ZIM3: variants seen among roughly 807,000 people sequenced by gnomAD.
ZIM3 encodes the protein zinc finger protein 657.
In ZIM3, 11 loss-of-function variants were observed where a neutral mutation model predicts 12.9. The ratio of observed to expected loss-of-function variants is 0.85; its 90% CI spans 0.54 to 1.41. The LOEUF (loss-of-function observed/expected upper bound fraction) is 1.41, where lower values mean the gene tolerates loss of function less well. ZIM3 is among the 40% of genes most tolerant of loss of function. The pLI, the probability that ZIM3 is intolerant of heterozygous loss-of-function variation, is 0.00. For synonymous variants in ZIM3, 205 were observed against 198.5 expected (o/e 1.03, Z -0.28); for missense variants, 604 against 557.2 (o/e 1.08, Z -0.85).
At position 57,135,177 on chromosome 19, in the gene ZIM3, C is replaced by G; in HGVS notation, c.1160G>C (p.Gly387Ala). ...TCTGTTACATTCATAGGGCTTTTCC[C>G]CAGTATGGATTTTTTTATGTTGAAT... is the stretch of plus-strand genomic sequence containing the variant. ...NLIQHKKIHT[G>A]EKPYECNRCG... is the part of the protein sequence containing the mutation. The change falls in exon 5 of 5, where the codon GGG becomes GCG. Residue 387 changes from glycine to alanine, a missense_variant. Transcript: ENST00000269834. 6.2e-7 allele frequency: 1 copy of G among 1,613,856 alleles called. No individual in the cohort carries two copies.
At chr19:57,143,766 C>G (rs367905940) in intron 1 of ZIM3, among the ~76,000 whole-genome samples, 1 of 151,590 alleles carries the variant, frequency 6.6e-6, no homozygotes, top group African/African-American at 2.4e-5. Context: ...ACCTCTGCCT[C>G]CCGGGTTCAA....
Position 57,138,516 on chromosome 19 carries a change from T to A in ZIM3, c.98A>T (p.Tyr33Phe). The A allele has an allele frequency of 6.2e-7, 1 of 1,614,150 alleles. No homozygotes were observed. ...QRLNPEQRNL[Y>F]RDVMLENYSN... ...GTAATTCTCCAGCATCACATCCCTG[T>A]ACAAGTTTCTCTGTTCGGGATTCAG... Residue 33 changes from tyrosine (Y) to phenylalanine (F), a missense_variant, in exon 3 of 5, where the codon TAC becomes TTC. Physicochemically the swap from Tyr to Phe is conservative, Grantham distance 22. Transcript: ENST00000269834.
At chr19:57,136,211 G>C in intron 4 of ZIM3, 116 bp from the exon 5 acceptor site, 3 of 937,944 alleles carry the variant, frequency 3.2e-6, no homozygotes, top group Non-Finnish European at 4.8e-6. Context: ...TAATGTCTAC[G>C]AGAAACCAAA....
chr19:57,137,858 GGAAGGAAGGAAA>G (rs2086893839), intron 3 of ZIM3, among the ~76,000 whole-genome samples: 1 of 73,898 alleles, frequency 1.4e-5, no homozygotes, highest in Non-Finnish European at 2.9e-5. Flanking sequence ...AAGGAAGGAA[GGAAGGAAGGAAA>G]GAAGGAAGGA....
At chr19:57,136,169 A>C in intron 4 of ZIM3, 74 bp from the exon 5 acceptor site, 1 of 1,352,970 alleles carries the variant, frequency 7.4e-7, no homozygotes, top group Non-Finnish European at 1.0e-6. Context: ...GCCATAAACA[A>C]TCTATTGTGG....
rs2086874966 is a variant in ZIM3, at chr19:57,134,348, T to C, written c.*570A>G. ...AGGCAGGAGTGCAATGGTGCAATAT[T>C]GGCTCACTGCAACCTCTACCTCCCA... is the stretch of plus-strand genomic sequence containing the variant. On this transcript the variant is annotated 3_prime_UTR_variant, in exon 5 of 5. Coordinates refer to ENST00000269834, the MANE Select transcript of ZIM3 (RefSeq NM_052882.1). 1 of 152,726 alleles carries C rather than the reference T, an allele frequency of 6.5e-6. No homozygotes were observed. Among genetic ancestry groups the C allele is most frequent in the Non-Finnish European group, 1.5e-5 (1 of 68,430 alleles). 9.5% of individuals were successfully genotyped at this position (152,726 alleles called of 1,614,324 possible). A position where few individuals can be genotyped will look rare whatever the true frequency, so the allele number is the denominator to read the frequency against.
At chr19:57,137,081 T>A in intron 3 of ZIM3, 110 bp from the exon 4 acceptor site, 1 of 1,012,404 alleles carries the variant, frequency 9.9e-7, no homozygotes, top group Non-Finnish European at 1.6e-6. Flanking sequence ...TATTTGTGTG[T>A]GAGTGTGAGC....
intron 2 of ZIM3, among the ~76,000 whole-genome samples, chr19:57,141,723 G>A (rs574031204): frequency 2.6e-5 from 4 of 151,664 alleles, no homozygotes; most frequent in South Asian, 2.1e-4. Flanking sequence ...GTGGTGGTGC[G>A]CACACCTGTA....
Position 57,135,101 on chromosome 19 carries a change from A to T in ZIM3, c.1236T>A (p.Thr412=), listed in dbSNP as rs374766864. ...QKSNLHSHQK[T]HSGERTYRCS... is the part of the protein sequence containing the mutation. ...ATCTATAGGTCCTCTCTCCGCTATG[A>T]GTTTTCTGATGGCTATGAAGGTTTG... Residue 412 remains threonine (T), a synonymous_variant, in exon 5 of 5, where the codon ACT becomes ACA. Coordinates refer to ENST00000269834, the MANE Select transcript of ZIM3 (RefSeq NM_052882.1). The T allele has an allele frequency of 6.2e-7, 1 of 1,614,044 alleles. No homozygotes were observed. Among genetic ancestry groups the T allele is most frequent in the African/African-American group, 1.3e-5 (1 of 74,926 alleles).
rs763573412 is a variant in ZIM3, at chr19:57,135,865, T to C, written c.472A>G (p.Asn158Asp). 1 of 1,614,158 alleles carries C rather than the reference T, an allele frequency of 6.2e-7. No homozygotes were observed. Among genetic ancestry groups the C allele is most frequent in the South Asian group, 1.1e-5 (1 of 91,076 alleles). Reference protein sequence around the residue: ...DNGYRKLVGNNPSKFVGQQLK... With the variant: ...DNGYRKLVGNDPSKFVGQQLK... ...TGTTGTCCTACAAATTTGGATGGAT[T>C]ATTGCCAACTAATTTTCTGTATCCA... The change falls in exon 5 of 5, where the codon AAT becomes GAT. Residue 158 changes from asparagine to aspartate, a missense_variant. By Grantham distance (23) the Asn-to-Asp change is conservative. Coordinates refer to ENST00000269834, the MANE Select transcript of ZIM3 (RefSeq NM_052882.1).
At position 57,135,996 on chromosome 19, in the gene ZIM3, G is replaced by A. The variant is rs201944104; in HGVS notation, c.341C>T (p.Thr114Met). The A allele has an allele frequency of 4.2e-5, 67 of 1,614,128 alleles. No individual in the cohort carries two copies. The highest frequency in any genetic ancestry group is 1.5e-4 in the Admixed American group (9 of 60,012). The change falls in exon 5 of 5, where the codon ACG (threonine) becomes ATG (methionine). Residue 114 changes from threonine to methionine, a missense_variant. Coordinates refer to ENST00000269834, the MANE Select transcript of ZIM3 (RefSeq NM_052882.1). The stretch of plus-strand genomic sequence containing the variant: ...TCCGTCACATTCTACACCTTTCTGC[G>A]TAGTCAGCGTTTCCTTATTGATTGA... ...VPSINKETLT[T>M]QKGVECDGSK...
chr19:57,137,025 T>C, intron 3 of ZIM3, 54 bp from the exon 4 acceptor site: 2 of 1,556,874 alleles, frequency 1.3e-6, no homozygotes, highest in Non-Finnish European at 1.8e-6. Flanking sequence ...GAGTTGTTTG[T>C]GCAAGTGTAT....
chr19:57,135,364 G>A lies in ZIM3; in HGVS notation c.973C>T (p.His325Tyr), dbSNP rs573165147. The A allele has an allele frequency of 8.1e-6, 13 of 1,613,922 alleles. No homozygotes were observed. The African/African-American group carries it at 1.2e-4, about 15-fold the overall frequency. ...TTCTCTCCCGTGTGTATTCTCTGGT[G>A]TTTCACAAGATCTGACTTGTAAATG... Reference protein sequence around the residue: ...AFIYKSDLVKHQRIHTGEKPY... With the variant: ...AFIYKSDLVKYQRIHTGEKPY... The change falls in exon 5 of 5, where the codon CAC becomes TAC. Residue 325 changes from histidine to tyrosine, a missense_variant. By Grantham distance (83) the His-to-Tyr change is moderately conservative (BLOSUM62 2). Transcript: ENST00000269834.
At position 57,136,894 on chromosome 19, in the gene ZIM3, C is replaced by G. The variant is rs139011121; in HGVS notation, c.220G>C (p.Val74Leu). The change falls in exon 4 of 5, where the codon GTG (valine) becomes CTG (leucine). Residue 74 changes from valine to leucine, a missense_variant. Physicochemically the swap from Val to Leu is conservative, Grantham distance 32. Transcript: ENST00000269834. ...GKEPWLEEEE[V>L]LGSGRAEKNG... ...CTACCTGCACGGCCACTTCCCAGCA[C>G]TTCCTCTTCCTCCAACCATGGCTCC... is the stretch of plus-strand genomic sequence containing the variant. The G allele has an allele frequency of 2.3e-4, 377 of 1,614,178 alleles. 2 individuals are homozygous for G. The African/African-American group carries it at 3.7e-3, about 16-fold the overall frequency.
At position 57,134,896 on chromosome 19, in the gene ZIM3, T is replaced by G. The variant is rs1397696785; in HGVS notation, c.*22A>C. Reference sequence around the variant, plus strand: ...TTCCAGGCAACCATATCTTCCCATGTTTTTTTAAGTGCATGGGGCTCCTAT... The same window carrying G: ...TTCCAGGCAACCATATCTTCCCATGGTTTTTTAAGTGCATGGGGCTCCTAT... On this transcript the variant is annotated 3_prime_UTR_variant, in exon 5 of 5. Coordinates refer to ENST00000269834, the MANE Select transcript of ZIM3 (RefSeq NM_052882.1). The G allele has an allele frequency of 6.4e-7, 1 of 1,568,060 alleles. No homozygotes were observed. Among genetic ancestry groups the G allele is most frequent in the African/African-American group, 1.4e-5 (1 of 72,720 alleles).
At chr19:57,141,364 G>A (rs1396985656) in intron 2 of ZIM3, among the ~76,000 whole-genome samples, 1 of 137,544 alleles carries the variant, frequency 7.3e-6, no homozygotes, top group Admixed American at 7.7e-5. Context: ...TCAAGCCATT[G>A]CACTCCAGCC....
At chr19:57,143,123 C>G (rs1471304002) in intron 1 of ZIM3, among the ~76,000 whole-genome samples, 1 of 152,028 alleles carries the variant, frequency 6.6e-6, no homozygotes, top group African/African-American at 2.4e-5. Context: ...GTCAGGAGAT[C>G]AAGACCATCC....
intron 3 of ZIM3, among the ~76,000 whole-genome samples, chr19:57,138,056 AAGG>A (rs2086897249): frequency 3.0e-5 from 1 of 33,690 alleles, no homozygotes; most frequent in Non-Finnish European, 6.6e-5. Flanking sequence ...GGAAGGAAAG[AAGG>A]AAGGAAGGAA....
intron 3 of ZIM3, among the ~76,000 whole-genome samples, chr19:57,137,265 G>A (rs998521182): frequency 1.3e-5 from 2 of 152,154 alleles, no homozygotes; most frequent in South Asian, 4.2e-4. Flanking sequence ...TAGGAGAATT[G>A]CTAGAGCACA....
Sources: allele counts gnomAD v4.1 joint callset (sites outside exome capture counted in the v4.1 genomes callset), GRCh38; gene constraint gnomAD v4.1.1; transcripts MANE v1.5; gene names NCBI Gene and HGNC (gene_info 2026-07-23, HGNC 2026-07-21).